NAALADL2: variants seen among roughly 807,000 people sequenced by gnomAD.
NAALADL2 encodes N-acetylated alpha-linked acidic dipeptidase like 2, also known as inactive N-acetylated-alpha-linked acidic dipeptidase-like protein 2.
NAALADL2 carries 76 observed loss-of-function variants against 87.2 expected under a neutral mutation model. The observed-to-expected ratio is 0.87, with a 90% confidence interval of 0.72 to 1.05. NAALADL2 has a LOEUF of 1.05. NAALADL2 is among the 50% of genes least tolerant of loss of function. The probability of loss-of-function intolerance (pLI) is 0.00; values close to 1 mark genes in which losing one functional copy is unlikely to be tolerated. For synonymous variants in NAALADL2, 354 were observed against 331.0 expected (o/e 1.07, Z -0.75); for missense variants, 1,089 against 945.8 (o/e 1.15, Z -1.99).
At chr3:175,003,823 A>G (rs1051185180) in intron 1 of NAALADL2, among the ~76,000 whole-genome samples, 1 of 152,228 alleles carries the variant, frequency 6.6e-6, no homozygotes, top group African/African-American at 2.4e-5. Context: ...AACATGGTGA[A>G]AATGTGTAAT....
At chr3:175,079,269 A>C (rs1373709975) in intron 1 of NAALADL2, 2 of 152,086 alleles carry the variant, frequency 1.3e-5, no homozygotes, top group Non-Finnish European at 2.9e-5. Flanking sequence ...CATTTTTTAA[A>C]TTGGATTGTC....
At chr3:174,455,010 G>A (rs560105484) in intron 1 of NAALADL2, among the ~76,000 whole-genome samples, 2 of 148,174 alleles carry the variant, frequency 1.3e-5, no homozygotes, top group Admixed American at 6.8e-5. Context: ...TAAGAGAGAA[G>A]ATACAAATAA....
intron 1 of NAALADL2, among the ~76,000 whole-genome samples, chr3:174,462,012 A>G (rs1017425140): frequency 1.3e-5 from 2 of 152,064 alleles, no homozygotes; most frequent in Non-Finnish European, 2.9e-5. Context: ...AGACTATTTT[A>G]GGAATTTGTC....
chr3:175,402,017 A>C (rs1581740582), intron 5 of NAALADL2, among the ~76,000 whole-genome samples: 1 of 152,010 alleles, frequency 6.6e-6, no homozygotes, highest in South Asian at 2.1e-4. Flanking sequence ...TTCTCATTCA[A>C]ATCTATCTAA....
intron 1 of NAALADL2, among the ~76,000 whole-genome samples, chr3:174,533,877 T>C (rs1560037124): frequency 6.6e-6 from 1 of 152,140 alleles, no homozygotes; most frequent in African/African-American, 2.4e-5. Context: ...GAATAAGACA[T>C]ACAACTGGCA....
intron 1 of NAALADL2, among the ~76,000 whole-genome samples, chr3:174,891,961 G>A (rs1299987033): frequency 6.6e-6 from 1 of 152,048 alleles, no homozygotes; most frequent in Non-Finnish European, 1.5e-5. Flanking sequence ...TTGGTTACTG[G>A]CTCAGCCACA....
intron 1 of NAALADL2, among the ~76,000 whole-genome samples, chr3:174,928,733 G>A (rs369365844): frequency 6.6e-6 from 1 of 152,120 alleles, no homozygotes; most frequent in African/African-American, 2.4e-5. Flanking sequence ...AGTATTCATA[G>A]CTTACTATAA....
At chr3:174,759,593 A>C (rs1359873970) in intron 3 of NAALADL2, among the ~76,000 whole-genome samples, 1 of 152,230 alleles carries the variant, frequency 6.6e-6, no homozygotes, top group Non-Finnish European at 1.5e-5. Flanking sequence ...GTTTTCAATT[A>C]AAATATTTAT....
intron 1 of NAALADL2, among the ~76,000 whole-genome samples, chr3:174,937,765 A>G (rs1197114689): frequency 1.3e-5 from 2 of 152,026 alleles, no homozygotes; most frequent in African/African-American, 4.8e-5. Flanking sequence ...AACAAAGCTA[A>G]CCTAGTATTA....
chr3:174,960,576 A>G (rs1490841307), intron 1 of NAALADL2, among the ~76,000 whole-genome samples: 1 of 152,060 alleles, frequency 6.6e-6, no homozygotes, highest in East Asian at 1.9e-4. Flanking sequence ...TGCCAATAGA[A>G]TGTGTTCTCT....
At chr3:175,116,775 T>C (rs1460846067) in intron 2 of NAALADL2, among the ~76,000 whole-genome samples, 1 of 151,828 alleles carries the variant, frequency 6.6e-6, no homozygotes, top group Non-Finnish European at 1.5e-5. Context: ...AAAGTCCATA[T>C]GGAACCAAAA....
chr3:174,843,448 C>T (rs1048831873), intron 3 of NAALADL2, among the ~76,000 whole-genome samples: 4 of 152,176 alleles, frequency 2.6e-5, no homozygotes, highest in African/African-American at 9.6e-5. Flanking sequence ...CATTGTTTGA[C>T]ACGTGAGTTG....
intron 1 of NAALADL2, among the ~76,000 whole-genome samples, chr3:175,069,755 A>G (rs1296738001): frequency 5.9e-5 from 9 of 152,128 alleles, no homozygotes; most frequent in Admixed American, 2.0e-4. Flanking sequence ...AAGACTTGGA[A>G]CCAACGCAAA....
At chr3:175,645,284 A>C (rs769306321) in intron 11 of NAALADL2, among the ~76,000 whole-genome samples, 11 of 152,128 alleles carry the variant, frequency 7.2e-5, no homozygotes, top group Admixed American at 1.3e-4. Flanking sequence ...GCGAATCTTT[A>C]CTAAACACAT....
intron 1 of NAALADL2, among the ~76,000 whole-genome samples, chr3:174,545,963 GTC>G (rs1405316765): frequency 2.0e-5 from 3 of 150,082 alleles, no homozygotes; most frequent in Non-Finnish European, 4.4e-5. Flanking sequence ...TCTCTGCATT[GTC>G]TCTGTTTCTT....
intron 2 of NAALADL2, among the ~76,000 whole-genome samples, chr3:174,607,372 A>G (rs1424048549): frequency 6.6e-6 from 1 of 151,720 alleles, no homozygotes; most frequent in Non-Finnish European, 1.5e-5. Context: ...ACAGACTGGC[A>G]ATTTGGATAA....
chr3:174,612,311 C>T (rs1156680355), intron 2 of NAALADL2, among the ~76,000 whole-genome samples: 1 of 152,060 alleles, frequency 6.6e-6, no homozygotes, highest in Non-Finnish European at 1.5e-5. Context: ...CCTTCTTGTA[C>T]TTGAATAATG....
rs1311623492 is a variant in NAALADL2 at position 175,324,870 on chromosome 3, G to A, written c.1090+545G>A. Among the ~76,000 whole-genome samples the A allele has an allele frequency of 2.0e-5, 3 of 152,170 alleles. No homozygotes were observed. The South Asian group carries it at 6.2e-4, about 32-fold the overall frequency. ...CTGGAAGTATAGAGATGGCTACTTTGCAGCAAATATCTTTCTTTTTCCTAG... is the reference window on the plus strand; with the variant it reads ...CTGGAAGTATAGAGATGGCTACTTTACAGCAAATATCTTTCTTTTTCCTAG... On this transcript the variant is annotated intron_variant, in intron 5 of 13. Transcript: ENST00000454872.
At chr3:174,872,006 G>A (rs1727889330) in intron 1 of NAALADL2, among the ~76,000 whole-genome samples, 1 of 152,138 alleles carries the variant, frequency 6.6e-6, no homozygotes, top group Admixed American at 6.5e-5. Context: ...TATGGGAGCC[G>A]AAGCAGGAAA....
Sources: allele counts gnomAD v4.1 joint callset (sites outside exome capture counted in the v4.1 genomes callset), GRCh38; gene constraint gnomAD v4.1.1; transcripts MANE v1.5; gene names NCBI Gene and HGNC (gene_info 2026-07-23, HGNC 2026-07-21).